CCDC148: variants seen among roughly 807,000 people sequenced by gnomAD.
CCDC148 encodes coiled-coil domain containing 148, also known as coiled-coil domain-containing protein 148.
A neutral mutation model predicts 85.7 loss-of-function variants in CCDC148; 89 were observed. The observed-to-expected ratio is 1.04, with a 90% confidence interval of 0.87 to 1.24. The LOEUF is 1.24. Among genes scored for constraint, CCDC148 ranks in the 50% most tolerant of loss-of-function variants. The pLI is 0.00. For synonymous variants in CCDC148, 230 were observed against 213.9 expected (o/e 1.08, Z -0.66); for missense variants, 692 against 671.7 (o/e 1.03, Z -0.33).
At chr2:158,228,892 T>C (rs1462837190) in intron 10 of CCDC148, among the ~76,000 whole-genome samples, 1 of 149,242 alleles carries the variant, frequency 6.7e-6, no homozygotes, top group African/African-American at 2.5e-5. Context: ...CACACCAACA[T>C]GGCACATGTA....
rs1318962592 is a variant in CCDC148, at chr2:158,171,233, G to C, written c.*880C>G. On this transcript the variant is annotated 3_prime_UTR_variant, in exon 14 of 14. Coordinates refer to ENST00000283233, the MANE Select transcript of CCDC148 (RefSeq NM_138803.4). Reference sequence around the variant, plus strand: ...AGAGGCTGCAACCCCTGGGAGGTAGGTGGGAAATGTCAGGGAGCTGCAATA... The same window carrying C: ...AGAGGCTGCAACCCCTGGGAGGTAGCTGGGAAATGTCAGGGAGCTGCAATA... The C allele has an allele frequency of 1.3e-5, 2 of 151,796 alleles. No individual in the cohort carries two copies. Among genetic ancestry groups the C allele is most frequent in the Non-Finnish European group, 2.9e-5 (2 of 67,924 alleles). 9.4% of individuals were successfully genotyped at this position (151,796 alleles called of 1,614,324 possible).
In CCDC148 at chr2:158,278,740, T is replaced by G. The variant is rs536731724; in HGVS notation, c.1111-27828A>C. Among the ~76,000 whole-genome samples the G allele has an allele frequency of 2.0e-5, 3 of 152,350 alleles. No homozygotes were observed. In the East Asian group the frequency reaches 5.8e-4, roughly 29 times the overall value. On this transcript the variant is annotated intron_variant, in intron 9 of 13. Coordinates refer to ENST00000283233, the MANE Select transcript of CCDC148 (RefSeq NM_138803.4). Reference sequence around the variant, plus strand: ...AAGACAGCAGTAACCTCTGCAGAATTAAATGTCCCTGTCTGACAGCTTTGA... The same window carrying G: ...AAGACAGCAGTAACCTCTGCAGAATGAAATGTCCCTGTCTGACAGCTTTGA...
At chr2:158,322,599 T>C (rs897293907) in intron 7 of CCDC148, among the ~76,000 whole-genome samples, 2 of 152,034 alleles carry the variant, frequency 1.3e-5, no homozygotes, top group African/African-American at 4.8e-5. Context: ...CTTTAACAAA[T>C]AGAATTATTT....
chr2:158,316,224 A>G (rs1269805998), intron 7 of CCDC148, among the ~76,000 whole-genome samples: 1 of 152,256 alleles, frequency 6.6e-6, no homozygotes, highest in African/African-American at 2.4e-5. Flanking sequence ...GAGAAAGTGA[A>G]AATGGCAAAC....
rs138183091 is a variant in CCDC148, at chr2:158,417,030, G to A, written c.25+39385C>T. 3.0e-3 allele frequency among the ~76,000 whole-genome samples: 460 copies of A among 152,228 alleles called. 11 individuals are homozygous for A. Among genetic ancestry groups the A allele is most frequent in the Non-Finnish European group, 1.1e-3 (72 of 68,020 alleles). ...GGAGGAAGAGAGCAAAGGGAGAGGT[G>A]CTATACACTTTTAAACAACAAGATA... On this transcript the variant is annotated intron_variant, in intron 1 of 13. Transcript: ENST00000283233.
chr2:158,275,954 T>C (rs1045133542), intron 9 of CCDC148, among the ~76,000 whole-genome samples: 10 of 151,746 alleles, frequency 6.6e-5, no homozygotes, highest in African/African-American at 2.4e-4. Flanking sequence ...ATTATACCTA[T>C]AGATTCCTGA....
intron 9 of CCDC148, among the ~76,000 whole-genome samples, chr2:158,270,978 A>C (rs909374037): frequency 2.6e-5 from 4 of 152,210 alleles, no homozygotes; most frequent in African/African-American, 4.8e-5. Context: ...GACAAATGGA[A>C]AATCTACATT....
At chr2:158,253,979 A>T (rs1688909379) in intron 9 of CCDC148, among the ~76,000 whole-genome samples, 1 of 151,706 alleles carries the variant, frequency 6.6e-6, no homozygotes, top group Non-Finnish European at 1.5e-5. Flanking sequence ...AGGTTACAGG[A>T]AATTCAGCCA....
At chr2:158,243,648 A>C (rs551618028) in intron 10 of CCDC148, among the ~76,000 whole-genome samples, 1 of 152,270 alleles carries the variant, frequency 6.6e-6, no homozygotes, top group South Asian at 2.1e-4. Flanking sequence ...TTATATAACT[A>C]AATACTCTGA....
intron 7 of CCDC148, among the ~76,000 whole-genome samples, chr2:158,319,567 G>C (rs559475146): frequency 2.4e-4 from 37 of 152,304 alleles, no homozygotes; most frequent in African/African-American, 8.9e-4. Flanking sequence ...CAGAACACCA[G>C]ACCTCACTGT....
intron 1 of CCDC148, among the ~76,000 whole-genome samples, chr2:158,361,261 A>G (rs994171098): frequency 3.9e-5 from 6 of 152,140 alleles, no homozygotes; most frequent in Admixed American, 6.5e-5. Context: ...TCAGGATATT[A>G]TCCAGGAGAA....
Position 158,222,930 on chromosome 2 carries a change from G to A in CCDC148, c.1252-2217C>T, listed in dbSNP as rs536426734. ...GGTGATTTCTGCATTTCCAACTGAG[G>A]TACCGGGTTCATCTCACTGAGGAGT... is the stretch of plus-strand genomic sequence containing the variant. On this transcript the variant is annotated intron_variant, in intron 10 of 13. Coordinates refer to ENST00000283233, the MANE Select transcript of CCDC148 (RefSeq NM_138803.4). Among the ~76,000 whole-genome samples the A allele has an allele frequency of 2.0e-5, 3 of 152,284 alleles. No homozygotes were observed. The South Asian group carries it at 6.2e-4, about 32-fold the overall frequency.
intron 1 of CCDC148, among the ~76,000 whole-genome samples, chr2:158,450,454 CTTT>C (rs1688360941): frequency 6.6e-6 from 1 of 151,870 alleles, no homozygotes; most frequent in Non-Finnish European, 1.5e-5. Flanking sequence ...TGACAACCTT[CTTT>C]TACTTTGAGC....
chr2:158,262,195 G>A (rs1026747763), intron 9 of CCDC148, among the ~76,000 whole-genome samples: 2 of 151,990 alleles, frequency 1.3e-5, no homozygotes, highest in Non-Finnish European at 2.9e-5. Flanking sequence ...AAAAGAACAA[G>A]ATCATATATT....
chr2:158,326,791 C>A (rs936611052), intron 7 of CCDC148, among the ~76,000 whole-genome samples: 1 of 152,030 alleles, frequency 6.6e-6, no homozygotes, highest in Non-Finnish European at 1.5e-5. Context: ...CACACCTACT[C>A]CCCCAGGCAT....
Position 158,392,685 on chromosome 2 carries a change from T to C in CCDC148, c.26-34115A>G, listed in dbSNP as rs1685364808. Among the ~76,000 whole-genome samples the C allele has an allele frequency of 2.6e-5, 4 of 152,172 alleles. No individual in the cohort carries two copies. In the South Asian group the frequency reaches 8.3e-4, roughly 31 times the overall value. Reference sequence around the variant, plus strand: ...ATACTATATAAATTATTTGTATTACTATATTACTTTCATCTACTCTCTCAG... The same window carrying C: ...ATACTATATAAATTATTTGTATTACCATATTACTTTCATCTACTCTCTCAG... On this transcript the variant is annotated intron_variant, in intron 1 of 13. Coordinates refer to ENST00000283233, the MANE Select transcript of CCDC148 (RefSeq NM_138803.4).
At chr2:158,182,481 C>T (rs1684951546) in intron 11 of CCDC148, among the ~76,000 whole-genome samples, 1 of 152,096 alleles carries the variant, frequency 6.6e-6, no homozygotes, top group Admixed American at 6.5e-5. Context: ...TTGGTGAGAA[C>T]ATCCCACAGA....
chr2:158,340,261 G>C lies in CCDC148; in HGVS notation c.467C>G (p.Ser156Cys), dbSNP rs1285270601. Residue 156 changes from serine (S) to cysteine (C), a missense_variant, in exon 5 of 14, where the codon TCC (serine) becomes TGC (cysteine). Physicochemically the swap from Ser to Cys is moderately radical, Grantham distance 112 (BLOSUM62 -1). Transcript: ENST00000283233. ...ACTAACCTCTTCCAATACTTTCATG[G>C]AGTTAAACTCAATATGTGGGTGTGA... ...QHSHPHIEFNSMKVLEEVDFV... is the reference protein window; with the variant it reads ...QHSHPHIEFNCMKVLEEVDFV... The C allele has an allele frequency of 6.2e-7, 1 of 1,613,768 alleles. No homozygotes were observed. Among genetic ancestry groups the C allele is most frequent in the East Asian group, 2.2e-5 (1 of 44,820 alleles).
At chr2:158,431,248 G>A (rs531486867) in intron 1 of CCDC148, among the ~76,000 whole-genome samples, 1 of 151,134 alleles carries the variant, frequency 6.6e-6, no homozygotes, top group Non-Finnish European at 1.5e-5. Context: ...CACAAACCAG[G>A]AATTACAAGC....
Sources: gnomAD v4.1 joint callset for allele counts (sites outside exome capture counted in the v4.1 genomes callset) on GRCh38, gnomAD v4.1.1 for gene constraint, MANE v1.5 for transcripts, NCBI Gene and HGNC (gene_info 2026-07-23, HGNC 2026-07-21) for gene names.